Variants in FDFT1 observed in about 807,000 individuals in gnomAD.
FDFT1 encodes the protein farnesyl-diphosphate farnesyltransferase 1, also known as squalene synthase.
Under a neutral mutation model 46.8 loss-of-function variants are expected in FDFT1, and 68 were observed. The ratio of observed to expected loss-of-function variants is 1.45; its 90% CI spans 1.19 to 1.78. The LOEUF (loss-of-function observed/expected upper bound fraction) is 1.78. FDFT1 is among the 40% of genes most tolerant of loss of function. The pLI is 0.00. For synonymous variants in FDFT1, 351 were observed against 185.1 expected (o/e 1.90, Z -7.28); for missense variants, 928 against 524.4 (o/e 1.77, Z -7.52).
chr8:11,802,939 G>T lies in FDFT1; in HGVS notation c.99+8G>T. ...ATGCCCAAGATGGACCAGGTGGGCCGAGCCTCCCTGCTTGCCCGGGGCGGG... is the reference window on the plus strand; with the variant it reads ...ATGCCCAAGATGGACCAGGTGGGCCTAGCCTCCCTGCTTGCCCGGGGCGGG... On this transcript the variant is annotated splice_region_variant and intron_variant, in intron 1 of 7. Transcript: ENST00000220584. 1.9e-6 allele frequency: 3 copies of T among 1,595,622 alleles called. No homozygotes were observed. The highest frequency in any genetic ancestry group is 2.6e-6 in the Non-Finnish European group (3 of 1,170,762).
intron 3 of FDFT1, among the ~76,000 whole-genome samples, chr8:11,811,001 G>A (rs963969908): frequency 3.4e-5 from 5 of 147,690 alleles, no homozygotes; most frequent in Admixed American, 2.7e-4. Flanking sequence ...GGCTGTTTCA[G>A]ATTGCTGAGA....
At position 11,809,741 on chromosome 8, in the gene FDFT1, A is replaced by T; in HGVS notation, c.272A>T (p.Glu91Val). 6.2e-7 allele frequency: 1 copy of T among 1,614,116 alleles called. No individual in the cohort carries two copies. The highest frequency in any genetic ancestry group is 1.3e-5 in the African/African-American group (1 of 75,042). Residue 91 changes from glutamate to valine, a missense_variant, in exon 3 of 8, where the codon GAA becomes GTA. Physicochemically the swap from Glu to Val is moderately radical, Grantham distance 121. Transcript: ENST00000220584. Reference sequence around the variant, plus strand: ...GAAGATGACATGACCATCAGTGTGGAAAAGAAGGTCCCGCTGTTACACAAC... The same window carrying T: ...GAAGATGACATGACCATCAGTGTGGTAAAGAAGGTCCCGCTGTTACACAAC... ...TLEDDMTISV[E>V]KKVPLLHNFH...
intron 3 of FDFT1, among the ~76,000 whole-genome samples, chr8:11,817,126 A>G (rs1484678792): frequency 1.3e-5 from 2 of 152,174 alleles, no homozygotes; most frequent in Non-Finnish European, 2.9e-5. Flanking sequence ...TATTGAGATA[A>G]TCATGTGGTT....
chr8:11,819,228 G>A (rs1478584058), intron 3 of FDFT1, among the ~76,000 whole-genome samples: 1 of 152,212 alleles, frequency 6.6e-6, no homozygotes, highest in Non-Finnish European at 1.5e-5. Flanking sequence ...CTGTTAGTCT[G>A]ATGGGCTTCC....
At chr8:11,808,929 G>C (rs752224155) in intron 2 of FDFT1, 38 bp downstream of exon 2, 1 of 1,600,438 alleles carries the variant, frequency 6.2e-7, no homozygotes, top group Non-Finnish European at 8.5e-7. Flanking sequence ...TTGGAGGAAA[G>C]CTTGTCCGGG....
At chr8:11,823,706 A>T (rs982469589) in intron 4 of FDFT1, among the ~76,000 whole-genome samples, 3 of 151,922 alleles carry the variant, frequency 2.0e-5, no homozygotes, top group Non-Finnish European at 2.9e-5. Flanking sequence ...AGTAACTGGG[A>T]CCACAGGCAC....
intron 5 of FDFT1, among the ~76,000 whole-genome samples, chr8:11,826,843 G>C (rs1321155343): frequency 6.6e-6 from 1 of 152,064 alleles, no homozygotes; most frequent in Non-Finnish European, 1.5e-5. Flanking sequence ...TGGTTCTTCT[G>C]CTCAGCCCTG....
intron 1 of FDFT1, among the ~76,000 whole-genome samples, chr8:11,805,342 T>C (rs1344484425): frequency 6.6e-6 from 1 of 152,238 alleles, no homozygotes; most frequent in East Asian, 1.9e-4. Flanking sequence ...ACTGAATTTT[T>C]AGGTGCATAT....
chr8:11,838,863 A>G lies in FDFT1; in HGVS notation c.*254A>G, dbSNP rs1811942268. 11 of 497,022 alleles carry G rather than the reference A, an allele frequency of 2.2e-5. No individual in the cohort carries two copies. Among genetic ancestry groups the G allele is most frequent in the South Asian group, 4.2e-5 (2 of 47,128 alleles). 30.8% of individuals were successfully genotyped at this position (497,022 alleles called of 1,614,324 possible). On this transcript the variant is annotated 3_prime_UTR_variant, in exon 8 of 8. Transcript: ENST00000220584. ...GCTTGTGGCTCATGGCAGAGCATTC[A>G]GTGCCACGGTTTAGGTGAAGTCGCT... is the stretch of plus-strand genomic sequence containing the variant.
chr8:11,837,872 G>A (rs926219454), intron 7 of FDFT1, among the ~76,000 whole-genome samples: 6 of 152,168 alleles, frequency 3.9e-5, no homozygotes, highest in Non-Finnish European at 8.8e-5. Context: ...GAGGCTTGTG[G>A]AGGAGTGGGG....
At chr8:11,807,042 G>A (rs1033637638) in intron 1 of FDFT1, among the ~76,000 whole-genome samples, 1 of 151,762 alleles carries the variant, frequency 6.6e-6, no homozygotes, top group Non-Finnish European at 1.5e-5. Context: ...AAACAACATA[G>A]TTCACTTAAA....
Position 11,826,026 on chromosome 8 carries a change from C to T in FDFT1, c.513C>T (p.Tyr171=), listed in dbSNP as rs754529217. 2 of 1,569,656 alleles carry T rather than the reference C, an allele frequency of 1.3e-6. No homozygotes were observed. Among genetic ancestry groups the T allele is most frequent in the Non-Finnish European group, 1.7e-6 (2 of 1,148,140 alleles). Residue 171 remains tyrosine (Y), a splice_region_variant and synonymous_variant, in exon 5 of 8, where the codon TAC becomes TAT. Coordinates refer to ENST00000220584, the MANE Select transcript of FDFT1 (RefSeq NM_004462.5). ...GCTTTAAAAATCGTCTCTTACAGTA[C>T]TGCCACTATGTTGCTGGGCTGGTCG... ...HVTSEQEWDK[Y]CHYVAGLVGI... is the part of the protein sequence containing the mutation.
intron 5 of FDFT1, among the ~76,000 whole-genome samples, chr8:11,826,684 A>T (rs1009864421): frequency 3.9e-5 from 6 of 152,160 alleles, no homozygotes; most frequent in Non-Finnish European, 8.8e-5. Flanking sequence ...GCGTGGTGGC[A>T]AGGGCTTGTA....
intron 6 of FDFT1, among the ~76,000 whole-genome samples, chr8:11,831,095 A>G (rs1051865973): frequency 3.3e-5 from 5 of 152,162 alleles, no homozygotes; most frequent in South Asian, 2.1e-4. Flanking sequence ...TCCCCCTGGC[A>G]TTGGTTTTAA....
At chr8:11,831,969 T>G (rs1156868853) in intron 7 of FDFT1, among the ~76,000 whole-genome samples, 1 of 152,160 alleles carries the variant, frequency 6.6e-6, no homozygotes, top group African/African-American at 2.4e-5. Context: ...CAACCAAGCT[T>G]CTTGTTGCTG....
upstream of FDFT1, among the ~76,000 whole-genome samples, chr8:11,800,573 G>T (rs574456963): frequency 2.6e-5 from 4 of 152,278 alleles, no homozygotes; most frequent in South Asian, 8.3e-4. Flanking sequence ...GGTGACAAAG[G>T]TTGAAACACC....
At chr8:11,824,515 C>G (rs1416300803) in intron 4 of FDFT1, among the ~76,000 whole-genome samples, 1 of 152,128 alleles carries the variant, frequency 6.6e-6, no homozygotes, top group Non-Finnish European at 1.5e-5. Context: ...CCCCTTGAAC[C>G]TTCCTGGGTT....
At chr8:11,817,228 C>G (rs1423529994) in intron 3 of FDFT1, among the ~76,000 whole-genome samples, 4 of 152,158 alleles carry the variant, frequency 2.6e-5, no homozygotes, top group Non-Finnish European at 5.9e-5. Context: ...CCGACTTGAT[C>G]GTGGTGGATA....
chr8:11,798,959 G>A (rs1242168787), upstream of FDFT1, among the ~76,000 whole-genome samples: 1 of 152,194 alleles, frequency 6.6e-6, no homozygotes, highest in South Asian at 2.1e-4. Context: ...GCACTTTGAA[G>A]GAAAAGGCGT....
Sources: allele counts gnomAD v4.1 joint callset (sites outside exome capture counted in the v4.1 genomes callset), GRCh38; gene constraint gnomAD v4.1.1; transcripts MANE v1.5; gene names NCBI Gene and HGNC (gene_info 2026-07-23, HGNC 2026-07-21).